The following EIF4E2 variants were observed in gnomAD, a reference collection of about 807,000 sequenced individuals.
EIF4E2 encodes the protein eukaryotic translation initiation factor 4E type 2.
Under a neutral mutation model 34.2 loss-of-function variants are expected in EIF4E2, and 13 were observed. That is an observed-to-expected ratio of 0.38 (90% CI 0.25 to 0.60). EIF4E2 has a LOEUF of 0.60. Ranked by LOEUF, EIF4E2 falls within the 20% of genes least tolerant of loss-of-function variation. EIF4E2 has a pLI of 0.62. For missense variants in EIF4E2, 222 were observed against 315.1 expected (o/e 0.70, Z 2.24); for synonymous variants, 100 against 106.6 (o/e 0.94, Z 0.38).
At chr2:232,562,308 C>A (rs1311079306) in intron 3 of EIF4E2, among the ~76,000 whole-genome samples, 1 of 152,056 alleles carries the variant, frequency 6.6e-6, no homozygotes, top group Admixed American at 6.5e-5. Flanking sequence ...GGGCTGGGCG[C>A]GGTGGCTCAC....
chr2:232,554,136 A>T (rs1308217549), intron 1 of EIF4E2, among the ~76,000 whole-genome samples: 2 of 152,228 alleles, frequency 1.3e-5, no homozygotes, highest in Non-Finnish European at 2.9e-5. Context: ...TGGAACAAGT[A>T]CAAACATTTA....
exon 7 of EIF4E2, chr2:232,582,964 C>A (rs1308070823): frequency 2.0e-5 from 3 of 152,216 alleles, no homozygotes; most frequent in Non-Finnish European, 4.4e-5. Flanking sequence ...GCCTGTTAGG[C>A]AGCATCTTAC....
intron 4 of EIF4E2, among the ~76,000 whole-genome samples, chr2:232,565,997 C>G (rs991986059): frequency 6.6e-6 from 1 of 151,448 alleles, no homozygotes; most frequent in Non-Finnish European, 1.5e-5. Flanking sequence ...GAGGCAGAGA[C>G]AGGAGAATCG....
exon 7 of EIF4E2, chr2:232,582,161 C>A (rs536591091): frequency 6.6e-6 from 1 of 152,616 alleles, no homozygotes; most frequent in Non-Finnish European, 1.5e-5. Flanking sequence ...AAATAAATAG[C>A]GTCAGAGTCC....
intron 1 of EIF4E2, among the ~76,000 whole-genome samples, chr2:232,552,457 C>A (rs75521764): frequency 1.3e-5 from 2 of 152,290 alleles, no homozygotes; most frequent in Non-Finnish European, 2.9e-5. Context: ...GAGATCCACC[C>A]ACCTTGCCTC....
At chr2:232,570,156 C>A (rs995294208), downstream of EIF4E2, among the ~76,000 whole-genome samples, 4 of 152,140 alleles carry the variant, frequency 2.6e-5, no homozygotes, top group African/African-American at 9.7e-5. Context: ...GGCAGTGATA[C>A]CCTGTGCTTG....
intron 4 of EIF4E2, among the ~76,000 whole-genome samples, chr2:232,565,072 G>T (rs760434760): frequency 1.3e-5 from 2 of 152,194 alleles, no homozygotes; most frequent in Admixed American, 6.5e-5. Flanking sequence ...ATTCGGCTGC[G>T]CCCTGGTGTA....
chr2:232,567,013 G>T (rs769045629), intron 5 of EIF4E2, 32 bp downstream of exon 5: 1 of 1,593,058 alleles, frequency 6.3e-7, no homozygotes, highest in East Asian at 2.2e-5. Context: ...CTGGTTTCTT[G>T]TGTTGCCTTT....
intron 1 of EIF4E2, 135 bp from the exon 2 acceptor site, chr2:232,556,281 C>T: frequency 6.2e-6 from 4 of 646,498 alleles, no homozygotes; most frequent in South Asian, 3.9e-5. Context: ...GTTATTTTGC[C>T]CTTCTTACAT....
chr2:232,550,699 G>A lies in EIF4E2; in HGVS notation c.-26G>A. Reference sequence around the variant, plus strand: ...GGTGGAGCGGAAGTCACTCCCTGAGGCAGTGGCGACAGCGGCGGCGAGAGG... The same window carrying A: ...GGTGGAGCGGAAGTCACTCCCTGAGACAGTGGCGACAGCGGCGGCGAGAGG... On this transcript the variant is annotated 5_prime_UTR_variant, in exon 1 of 7. Coordinates refer to ENST00000258416, the MANE Select transcript of EIF4E2 (RefSeq NM_004846.4). 1 of 1,584,164 alleles carries A rather than the reference G, an allele frequency of 6.3e-7. No homozygotes were observed. The highest frequency in any genetic ancestry group is 8.6e-7 in the Non-Finnish European group (1 of 1,166,790).
In EIF4E2 at chr2:232,581,406, C is replaced by T; in HGVS notation, c.*463C>T. 6.5e-6 allele frequency: 2 copies of T among 305,442 alleles called. No homozygotes were observed. Among genetic ancestry groups the T allele is most frequent in the East Asian group, 9.4e-5 (1 of 10,614 alleles). The allele number at this position is 305,442 out of a possible 1,614,324, so 18.9% of individuals were successfully genotyped here. A position where few individuals can be genotyped will look rare whatever the true frequency, so the allele number is the denominator to read the frequency against. On this transcript the variant is annotated 3_prime_UTR_variant, in exon 7 of 7. Transcript: ENST00000409098. The surrounding 1 kb of genome is among the most constrained non-coding windows in gnomAD (Gnocchi z 5.2). ...CTGTAAATGCTCTCTTCTAGCTCTG[C>T]CATTAAATTATTGGGACATTTTGTT...
rs372307848 is a variant in EIF4E2, at chr2:232,581,488, T to G, written c.*545T>G. ...TTCTGAAGCTGTGTTACTGATGTGATGACTGTCCAGGATTTTGTATCATCC... is the reference window on the plus strand; with the variant it reads ...TTCTGAAGCTGTGTTACTGATGTGAGGACTGTCCAGGATTTTGTATCATCC... On this transcript the variant is annotated 3_prime_UTR_variant, in exon 7 of 7. Transcript: ENST00000409098. This position sits in a 1 kb window ranked among gnomAD's most constrained non-coding sequence, Gnocchi z 5.2. 204 of 272,178 alleles carry G rather than the reference T, an allele frequency of 7.5e-4. No homozygotes were observed. The highest frequency in any genetic ancestry group is 4.4e-3 in the African/African-American group (196 of 44,294). 16.9% of individuals were successfully genotyped at this position (272,178 alleles called of 1,614,324 possible). A position where few individuals can be genotyped will look rare whatever the true frequency, so the allele number is the denominator to read the frequency against.
intron 3 of EIF4E2, 171 bp downstream of exon 3, chr2:232,558,189 C>T: frequency 1.4e-6 from 1 of 735,854 alleles, no homozygotes; most frequent in Non-Finnish European, 2.1e-6. Context: ...CACTAGATAT[C>T]CATGGTTAGC....
chr2:232,567,482 G>T (rs1336250733), intron 6 of EIF4E2: 1 of 1,283,816 alleles, frequency 7.8e-7, no homozygotes, highest in Admixed American at 3.9e-5. Flanking sequence ...TCTACAGGCT[G>T]TCTTGTCTTT....
intron 6 of EIF4E2, among the ~76,000 whole-genome samples, chr2:232,576,632 GGA>G (rs1693228617): frequency 6.6e-6 from 1 of 152,070 alleles, no homozygotes; most frequent in African/African-American, 2.4e-5. Flanking sequence ...AAAGTAGGGG[GGA>G]AAAATGAATT....
At chr2:232,580,897 C>T (rs1175414350) in intron 6 of EIF4E2, 3 of 1,543,532 alleles carry the variant, frequency 1.9e-6, no homozygotes, top group African/African-American at 1.4e-5. Flanking sequence ...CCATTTTTTT[C>T]TTTCAGGGAC....
rs570461609 is a variant in EIF4E2, at chr2:232,574,450, A to G, written c.666-6454A>G. ...CCTCTACCAACATTGAGCCTCAGAG[A>G]AAAATATAAGTCCCAAACCACTGGA... On this transcript the variant is annotated intron_variant, in intron 6 of 6. Transcript: ENST00000409098. 2.6e-6 allele frequency: 3 copies of G among 1,173,064 alleles called. No individual in the cohort carries two copies. The African/African-American group carries it at 4.6e-5, about 18-fold the overall frequency. 72.7% of individuals were successfully genotyped at this position (1,173,064 alleles called of 1,614,324 possible).
chr2:232,557,937 GTAC>G lies in EIF4E2; in HGVS notation c.191_193del (p.Tyr64del). ...CCCTGCAGTACAACTACACTTTTTGGTACTCCAGGAGAACCCCCGGCCGTCCCA... is the reference window on the plus strand; with the variant it reads ...CCCTGCAGTACAACTACACTTTTTGGTCCAGGAGAACCCCCGGCCGTCCCA... On this transcript the variant is annotated inframe_deletion, in exon 3 of 7. Transcript: ENST00000258416. The G allele has an allele frequency of 1.9e-6, 3 of 1,613,988 alleles. No homozygotes were observed.
intron 1 of EIF4E2, among the ~76,000 whole-genome samples, chr2:232,554,335 G>A (rs1296378720): frequency 6.6e-6 from 1 of 152,200 alleles, no homozygotes; most frequent in Non-Finnish European, 1.5e-5. Flanking sequence ...CAAAATTAGG[G>A]TGATACAACT....
Sources: allele counts gnomAD v4.1 joint callset (sites outside exome capture counted in the v4.1 genomes callset), GRCh38; gene constraint gnomAD v4.1.1; non-coding constraint Gnocchi (gnomAD v3.1); transcripts MANE v1.5; gene names NCBI Gene and HGNC (gene_info 2026-07-23, HGNC 2026-07-21).